Variants in MAGEC3 observed in about 807,000 individuals in gnomAD.
The protein encoded by MAGEC3 is MAGE family member C3.
MAGEC3 carries 34 observed loss-of-function variants against 35.3 expected under a neutral mutation model. The observed-to-expected ratio is 0.96, with a 90% confidence interval of 0.73 to 1.28. The LOEUF is 1.28. MAGEC3 is among the 50% of genes most tolerant of loss of function. The pLI is 0.00. For synonymous variants in MAGEC3, 202 were observed against 185.6 expected, an observed-to-expected ratio of 1.09 and a Z score of -0.72; for missense variants, 561 against 483.6, an observed-to-expected ratio of 1.16 and a Z score of -1.50.
At chrX:141,847,452 G>A (rs2017723755) in intron 1 of MAGEC3, among the ~76,000 whole-genome samples, 2 of 111,240 alleles carry the variant, frequency 1.8e-5, no homozygotes, top group South Asian at 7.4e-4. Flanking sequence ...CATAGTTATA[G>A]ATATCAAATG....
At chrX:141,853,588 T>C (rs1461699935) in intron 1 of MAGEC3, among the ~76,000 whole-genome samples, 2 of 112,050 alleles carry the variant, frequency 1.8e-5, no homozygotes, top group Non-Finnish European at 3.8e-5. Context: ...TTTATTTCTC[T>C]TTCTGAGACA....
rs761894597 is a variant in MAGEC3, at chrX:141,855,166, AGT to A, written c.124-10301_124-10300del. ...GTAGTTGGCTGTCCACTAATCCAACAGTGTGCAACTGACACTAGCCGGACAAG... is the reference window on the plus strand; with the variant it reads ...GTAGTTGGCTGTCCACTAATCCAACAGTGCAACTGACACTAGCCGGACAAG... On this transcript the variant is annotated intron_variant, in intron 1 of 7. Transcript: ENST00000298296. Among the ~76,000 whole-genome samples, 707 of 111,071 alleles carry A rather than the reference AGT, an allele frequency of 6.4e-3. 9 individuals carry two copies. Among genetic ancestry groups the A allele is most frequent in the African/African-American group, 0.022 (669 of 30,599 alleles).
At chrX:141,887,306 A>G (rs772536778) in intron 4 of MAGEC3, among the ~76,000 whole-genome samples, 21 of 112,431 alleles carry the variant, frequency 1.9e-4, no homozygotes, top group Middle Eastern at 4.6e-3. Context: ...CTTACACAAG[A>G]TCACTGGTCG....
intron 1 of MAGEC3, among the ~76,000 whole-genome samples, chrX:141,860,134 G>A (rs1196284720): frequency 2.7e-5 from 3 of 111,639 alleles, no homozygotes; most frequent in Non-Finnish European, 5.7e-5. Context: ...AAAGGATGGT[G>A]TAGATGAGCC....
intron 2 of MAGEC3, among the ~76,000 whole-genome samples, chrX:141,865,876 T>C (rs1053598603): frequency 2.1e-4 from 23 of 111,799 alleles, no homozygotes; most frequent in Admixed American, 4.7e-4. Context: ...TGGACTGAGC[T>C]TCAAAGAACC....
rs1002957725 is a variant in MAGEC3, at chrX:141,890,775, C to G, written c.910-4494C>G. Among the ~76,000 whole-genome samples, 5 of 111,414 alleles carry G rather than the reference C, an allele frequency of 4.5e-5. No homozygotes were observed. The Admixed American group carries it at 4.8e-4, about 11-fold the overall frequency. ...AACAGCTTATGGGAGAGAACACAAG[C>G]GCCCATCTCCATCTTGTATACCCTG... On this transcript the variant is annotated intron_variant, in intron 4 of 7. Transcript: ENST00000298296.
At chrX:141,881,278 C>A (rs1453758506) in intron 3 of MAGEC3, 125 bp from the exon 4 acceptor site, 5 of 780,695 alleles carry the variant, frequency 6.4e-6, no homozygotes, top group Non-Finnish European at 9.2e-6. Flanking sequence ...TCCCCAGAAT[C>A]CTCCTGAGAG....
intron 4 of MAGEC3, 86 bp from the exon 5 acceptor site, chrX:141,895,183 T>A: frequency 9.8e-7 from 1 of 1,017,945 alleles, no homozygotes; most frequent in East Asian, 3.1e-5. Flanking sequence ...GGGGAAGTGG[T>A]CAGGAAAAGG....
intron 1 of MAGEC3, among the ~76,000 whole-genome samples, chrX:141,864,220 T>G (rs2017833264): frequency 9.3e-6 from 1 of 107,661 alleles, no homozygotes; most frequent in Non-Finnish European, 1.9e-5. Flanking sequence ...TGGCTCACGC[T>G]TATAATCCCA....
intron 4 of MAGEC3, among the ~76,000 whole-genome samples, chrX:141,887,845 G>A (rs965343129): frequency 2.5e-4 from 28 of 111,758 alleles, no homozygotes; most frequent in African/African-American, 7.8e-4. Context: ...TTGGAGCAAG[G>A]CCCTTCAATC....
chrX:141,839,944 A>T, intron 1 of MAGEC3: 8 of 680,629 alleles, frequency 1.2e-5, no homozygotes, highest in Non-Finnish European at 1.4e-5. Context: ...ATACTGCCTA[A>T]AATGTGATGG....
intron 1 of MAGEC3, among the ~76,000 whole-genome samples, chrX:141,853,172 T>A (rs182148881): frequency 1.8e-5 from 2 of 111,418 alleles, no homozygotes; most frequent in East Asian, 5.7e-4. Flanking sequence ...ACATCCGCCT[T>A]TTAAAAAGAG....
chrX:141,871,763 T>C (rs1290805353), intron 2 of MAGEC3, among the ~76,000 whole-genome samples: 1 of 111,170 alleles, frequency 9.0e-6, no homozygotes, highest in African/African-American at 3.3e-5. Flanking sequence ...GACATGATTG[T>C]GAGCAATGCC....
intron 2 of MAGEC3, among the ~76,000 whole-genome samples, chrX:141,866,886 G>T (rs1197096422): frequency 9.0e-6 from 1 of 111,705 alleles, no homozygotes; most frequent in Non-Finnish European, 1.9e-5. Flanking sequence ...ATACTTTCAC[G>T]TATGCGTAAA....
intron 1 of MAGEC3, chrX:141,839,638 A>G (rs1338354414): frequency 1.3e-6 from 1 of 748,861 alleles, no homozygotes; most frequent in Non-Finnish European, 1.6e-6. Flanking sequence ...TATCTTCAGT[A>G]GATTTTATTT....
intron 2 of MAGEC3, among the ~76,000 whole-genome samples, chrX:141,866,219 G>A (rs1314447700): frequency 9.0e-6 from 1 of 111,512 alleles, no homozygotes; most frequent in East Asian, 2.8e-4. Flanking sequence ...ACATCTCTTC[G>A]CCTAAGTCCA....
Position 141,895,842 on chromosome X carries a change from G to A in MAGEC3, c.1123+283G>A, listed in dbSNP as rs373218851. 2.8e-4 allele frequency among the ~76,000 whole-genome samples: 31 copies of A among 110,847 alleles called. 1 individual carries two copies. The highest frequency in any genetic ancestry group is 1.0e-3 in the African/African-American group (31 of 30,439). On this transcript the variant is annotated intron_variant, in intron 6 of 7. Coordinates refer to ENST00000298296, the MANE Select transcript of MAGEC3 (RefSeq NM_138702.1). ...GGCAGAGGGAAGATTCCCAGGCCCTGCTGGTGATAAGAGTGAGGACGGAGA... is the reference window on the plus strand; with the variant it reads ...GGCAGAGGGAAGATTCCCAGGCCCTACTGGTGATAAGAGTGAGGACGGAGA...
intron 1 of MAGEC3, chrX:141,838,992 A>G (rs1003070015): frequency 6.6e-6 from 2 of 305,305 alleles, no homozygotes; most frequent in Non-Finnish European, 8.7e-6. Flanking sequence ...TTCTCCCTGA[A>G]GCAGTGCCAT....
intron 1 of MAGEC3, among the ~76,000 whole-genome samples, chrX:141,841,376 G>A (rs2017684649): frequency 1.8e-5 from 2 of 111,783 alleles, no homozygotes; most frequent in South Asian, 7.5e-4. Flanking sequence ...ATTCTTGATA[G>A]TCCCTAGTAC....
Sources: gnomAD v4.1 joint callset for allele counts (sites outside exome capture counted in the v4.1 genomes callset) on GRCh38, gnomAD v4.1.1 for gene constraint, MANE v1.5 for transcripts, NCBI Gene and HGNC (gene_info 2026-07-23, HGNC 2026-07-21) for gene names.